The following PLA2G12A variants were observed in gnomAD, a reference collection of about 807,000 sequenced individuals.
The protein encoded by PLA2G12A is phospholipase A2 group XIIA, also known as group XIIA secretory phospholipase A2.
PLA2G12A carries 11 observed loss-of-function variants against 16.0 expected under a neutral mutation model. That is an observed-to-expected ratio of 0.69 (90% CI 0.43 to 1.13). PLA2G12A has a LOEUF of 1.13. Ranked by LOEUF, PLA2G12A falls within the 50% of genes most tolerant of loss-of-function variation. PLA2G12A has a pLI of 0.00. For missense variants in PLA2G12A, 214 were observed against 237.3 expected, an observed-to-expected ratio of 0.90 and a Z score of 0.65; for synonymous variants, 77 against 93.8, an observed-to-expected ratio of 0.82 and a Z score of 1.03.
intron 1 of PLA2G12A, among the ~76,000 whole-genome samples, chr4:109,726,768 T>C (rs2126168930): frequency 6.6e-6 from 1 of 152,280 alleles, no homozygotes; most frequent in South Asian, 2.1e-4. Context: ...TAACGGATCA[T>C]CAAATTTATT....
rs2126168179 is a variant in PLA2G12A, at chr4:109,723,447, T to C, written c.209-4688A>G. On this transcript the variant is annotated intron_variant, in intron 1 of 3. Coordinates refer to ENST00000243501, the MANE Select transcript of PLA2G12A (RefSeq NM_030821.5). ...CACAAACTTAAGATGCAGATATTAA[T>C]CAGGACAGAGGTCCACTACAGATGA... 2.0e-5 allele frequency among the ~76,000 whole-genome samples: 3 copies of C among 152,304 alleles called. No individual in the cohort carries two copies. The South Asian group carries it at 6.2e-4, about 32-fold the overall frequency.
At chr4:109,727,757 C>T (rs1722970837) in intron 1 of PLA2G12A, among the ~76,000 whole-genome samples, 1 of 152,130 alleles carries the variant, frequency 6.6e-6, no homozygotes, top group South Asian at 2.1e-4. Context: ...GCAATGATCA[C>T]ACCACTGCCC....
At chr4:109,726,210 T>C (rs1288952593) in intron 1 of PLA2G12A, among the ~76,000 whole-genome samples, 1 of 152,196 alleles carries the variant, frequency 6.6e-6, no homozygotes, top group Non-Finnish European at 1.5e-5. Context: ...ATGACTCCAA[T>C]AATTCTCTCC....
intron 1 of PLA2G12A, among the ~76,000 whole-genome samples, chr4:109,720,890 G>A (rs1233274295): frequency 6.6e-6 from 1 of 151,834 alleles, no homozygotes; most frequent in East Asian, 1.9e-4. Context: ...CCAACATGGC[G>A]AAACCCCATC....
In PLA2G12A at chr4:109,729,867, G is replaced by A; in HGVS notation, c.-58C>T. ...CCGCGGCGCGGGGCGCGTCCCCACA[G>A]AGTCCCCAGGACGCGCTAGGCAGCG... On this transcript the variant is annotated 5_prime_UTR_variant, in exon 1 of 4. Transcript: ENST00000243501. 3.4e-6 allele frequency: 5 copies of A among 1,461,790 alleles called. No homozygotes were observed. The highest frequency in any genetic ancestry group is 1.3e-5 in the South Asian group (1 of 75,900). The allele number at this position is 1,461,790 out of a possible 1,614,324, so 90.6% of individuals were successfully genotyped here.
At chr4:109,715,517 ACT>A (rs1303515285) in intron 3 of PLA2G12A, among the ~76,000 whole-genome samples, 7 of 151,758 alleles carry the variant, frequency 4.6e-5, no homozygotes, top group African/African-American at 1.7e-4. Flanking sequence ...GTCTCACCTC[ACT>A]CTGTCACCCA....
chr4:109,724,005 T>A (rs868443945), intron 1 of PLA2G12A, among the ~76,000 whole-genome samples: 3 of 152,216 alleles, frequency 2.0e-5, no homozygotes, highest in Non-Finnish European at 2.9e-5. Context: ...CTCCCTCCCA[T>A]CTGCCAGTCT....
At chr4:109,715,665 G>A (rs1730817536) in intron 3 of PLA2G12A, among the ~76,000 whole-genome samples, 1 of 151,748 alleles carries the variant, frequency 6.6e-6, no homozygotes, top group Non-Finnish European at 1.5e-5. Context: ...GTTAGAGATG[G>A]GGTTTCACCA....
Position 109,718,671 on chromosome 4 carries a change from G to C in PLA2G12A, c.285+12C>G, listed in dbSNP as rs1398907111. ...CAGTTACAAAACTTATCAAATAAAAGACAATATTTACATGAACACCAAACA... is the reference window on the plus strand; with the variant it reads ...CAGTTACAAAACTTATCAAATAAAACACAATATTTACATGAACACCAAACA... On this transcript the variant is annotated intron_variant, in intron 2 of 3. Coordinates refer to ENST00000243501, the MANE Select transcript of PLA2G12A (RefSeq NM_030821.5). 1.9e-6 allele frequency: 3 copies of C among 1,564,604 alleles called. No homozygotes were observed. Among genetic ancestry groups the C allele is most frequent in the African/African-American group, 1.4e-5 (1 of 73,268 alleles).
In PLA2G12A at chr4:109,712,715, C is replaced by G. The variant is rs1438482327; in HGVS notation, c.*1662G>C. On this transcript the variant is annotated 3_prime_UTR_variant, in exon 4 of 4. Coordinates refer to ENST00000243501, the MANE Select transcript of PLA2G12A (RefSeq NM_030821.5). ...TTTCACCATGTTGGCCAGCTGGTCT[C>G]AAACTCCTGACCTCAAGTGATCCAA... is the stretch of plus-strand genomic sequence containing the variant. 2 of 152,162 alleles carry G rather than the reference C, an allele frequency of 1.3e-5. No individual in the cohort carries two copies. The highest frequency in any genetic ancestry group is 2.9e-5 in the Non-Finnish European group (2 of 68,092). 9.4% of individuals were successfully genotyped at this position (152,162 alleles called of 1,614,324 possible). A position where few individuals can be genotyped will look rare whatever the true frequency, so the allele number is the denominator to read the frequency against.
At chr4:109,723,142 A>G (rs1440613712) in intron 1 of PLA2G12A, among the ~76,000 whole-genome samples, 2 of 152,126 alleles carry the variant, frequency 1.3e-5, no homozygotes, top group Non-Finnish European at 2.9e-5. Context: ...TGTGCTGGAT[A>G]AAGTACTTGT....
rs562493866 is a variant in PLA2G12A at position 109,729,881 on chromosome 4, C to A, written c.-72G>T. 2,276 of 1,347,058 alleles carry A rather than the reference C, an allele frequency of 1.7e-3. 4 individuals carry two copies. The highest frequency in any genetic ancestry group is 2.1e-3 in the Non-Finnish European group (2,112 of 1,015,634). The allele number at this position is 1,347,058 out of a possible 1,614,324, so 83.4% of individuals were successfully genotyped here. On this transcript the variant is annotated 5_prime_UTR_variant, in exon 1 of 4. Transcript: ENST00000243501. Reference sequence around the variant, plus strand: ...GCGTCCCCACAGAGTCCCCAGGACGCGCTAGGCAGCGGCGCGGGCCCCGGA... The same window carrying A: ...GCGTCCCCACAGAGTCCCCAGGACGAGCTAGGCAGCGGCGCGGGCCCCGGA...
intron 1 of PLA2G12A, among the ~76,000 whole-genome samples, chr4:109,725,940 T>C (rs1307493389): frequency 6.6e-6 from 1 of 152,210 alleles, no homozygotes; most frequent in African/African-American, 2.4e-5. Context: ...TATTACTTTA[T>C]TTTTCTAGTC....
At position 109,714,432 on chromosome 4, in the gene PLA2G12A, A is replaced by G. The variant is rs576107175; in HGVS notation, c.515T>C (p.Leu172Pro). The change falls in exon 4 of 4, where the codon CTG (leucine) becomes CCG (proline). Residue 172 changes from leucine (L) to proline (P), a missense_variant. Transcript: ENST00000243501. The stretch of plus-strand genomic sequence containing the variant: ...CCTGCATGCGGCTCGTTGGCTGTCC[A>G]GATATGGTTTACAACCTAAATGTAT... ...SVIHLGCKPY[L>P]DSQRAACRCH... The G allele has an allele frequency of 1.2e-6, 2 of 1,614,156 alleles. No individual in the cohort carries two copies. Among genetic ancestry groups the G allele is most frequent in the South Asian group, 2.2e-5 (2 of 91,080 alleles).
At position 109,720,574 on chromosome 4, in the gene PLA2G12A, C is replaced by CAA. The variant is rs61477793; in HGVS notation, c.209-1817_209-1816dup. On this transcript the variant is annotated intron_variant, in intron 1 of 3. Coordinates refer to ENST00000243501, the MANE Select transcript of PLA2G12A (RefSeq NM_030821.5). ...AACATGATGAGACTCTGTCTGTATTCAAAAAAAAAAAAAAAAAAAAAAAAA... is the reference window on the plus strand; with the variant it reads ...AACATGATGAGACTCTGTCTGTATTCAAAAAAAAAAAAAAAAAAAAAAAAAAA... Among the ~76,000 whole-genome samples the CAA allele has an allele frequency of 8.0e-4, 30 of 37,468 alleles. 1 individual carries two copies. Among genetic ancestry groups the CAA allele is most frequent in the East Asian group, 1.1e-3 (1 of 942 alleles). 24.6% of individuals were successfully genotyped at this position (37,468 alleles called of 152,430 possible). A position where few individuals can be genotyped will look rare whatever the true frequency, so the allele number is the denominator to read the frequency against.
In PLA2G12A at chr4:109,729,794, G is replaced by A. The variant is rs1484362069; in HGVS notation, c.16C>T (p.Arg6Cys). The A allele has an allele frequency of 6.4e-7, 1 of 1,552,908 alleles. No individual in the cohort carries two copies. Among genetic ancestry groups the A allele is most frequent in the Non-Finnish European group, 8.7e-7 (1 of 1,148,854 alleles). ...AGGAGCAGGAGGGTGAGCGCGGGGC[G>A]CGAGAGCAGGGCCATGCGCGCAGCG... MALLS[R>C]PALTLLLLLM... The change falls in exon 1 of 4, where the codon CGC (arginine) becomes TGC (cysteine). Residue 6 changes from arginine (R) to cysteine (C), a missense_variant. Arg to Cys is a radical substitution (Grantham distance 180, BLOSUM62 -3). Coordinates refer to ENST00000243501, the MANE Select transcript of PLA2G12A (RefSeq NM_030821.5).
In PLA2G12A at chr4:109,729,877, G is replaced by A. The variant is rs1723020101; in HGVS notation, c.-68C>T. The A allele has an allele frequency of 6.5e-6, 9 of 1,393,460 alleles. No individual in the cohort carries two copies. In the South Asian group the frequency reaches 7.2e-5, roughly 11 times the overall value. 86.3% of individuals were successfully genotyped at this position (1,393,460 alleles called of 1,614,324 possible). The stretch of plus-strand genomic sequence containing the variant: ...GGGCGCGTCCCCACAGAGTCCCCAG[G>A]ACGCGCTAGGCAGCGGCGCGGGCCC... On this transcript the variant is annotated 5_prime_UTR_variant, in exon 1 of 4. Coordinates refer to ENST00000243501, the MANE Select transcript of PLA2G12A (RefSeq NM_030821.5).
At chr4:109,722,802 C>T (rs1722834795) in intron 1 of PLA2G12A, among the ~76,000 whole-genome samples, 1 of 152,156 alleles carries the variant, frequency 6.6e-6, no homozygotes, top group Non-Finnish European at 1.5e-5. Flanking sequence ...TTATGTCTCC[C>T]CATCCGAAAA....
chr4:109,722,184 C>A (rs1485800213), intron 1 of PLA2G12A, among the ~76,000 whole-genome samples: 1 of 152,356 alleles, frequency 6.6e-6, no homozygotes, highest in African/African-American at 2.4e-5. Context: ...CATGATTTCT[C>A]TGACCTCATC....
Sources: gnomAD v4.1 joint callset for allele counts (sites outside exome capture counted in the v4.1 genomes callset) on GRCh38, gnomAD v4.1.1 for gene constraint, MANE v1.5 for transcripts, NCBI Gene and HGNC (gene_info 2026-07-23, HGNC 2026-07-21) for gene names.